Variants in TASL observed in about 807,000 individuals in gnomAD.
The protein encoded by TASL is TLR adaptor interacting with endolysosomal SLC15A4.
Under a neutral mutation model 12.9 loss-of-function variants are expected in TASL, and 6 were observed. The ratio of observed to expected loss-of-function variants is 0.46; its 90% confidence interval spans 0.25 to 0.92. The LOEUF (loss-of-function observed/expected upper bound fraction) is 0.92. Among genes scored for constraint, TASL ranks in the 40% least tolerant of loss-of-function variants. The pLI is 0.17. For synonymous variants in TASL, 85 were observed against 79.3 expected (o/e 1.07, Z -0.38); for missense variants, 165 against 212.8 (o/e 0.78, Z 1.40).
At chrX:30,564,546 C>T (rs1469543618) in intron 2 of TASL, among the ~76,000 whole-genome samples, 5 of 111,913 alleles carry the variant, frequency 4.5e-5, no homozygotes, top group Middle Eastern at 4.6e-3. Context: ...AATCTTCAGA[C>T]TTCTCAACAG....
At chrX:30,570,135 CA>C (rs1246847501) in intron 2 of TASL, among the ~76,000 whole-genome samples, 6 of 110,489 alleles carry the variant, frequency 5.4e-5, no homozygotes, top group Non-Finnish European at 1.9e-5. Flanking sequence ...ATCTCATCTA[CA>C]AACGTCTTCC....
chrX:30,571,589 C>G (rs1930626301), intron 2 of TASL, among the ~76,000 whole-genome samples: 1 of 104,418 alleles, frequency 9.6e-6, no homozygotes, highest in African/African-American at 3.6e-5. Context: ...GATCGGGCCA[C>G]TGCCCTTCAG....
intron 2 of TASL, among the ~76,000 whole-genome samples, chrX:30,568,725 C>A (rs778067866): frequency 1.8e-5 from 2 of 110,147 alleles, no homozygotes; most frequent in East Asian, 2.8e-4. Context: ...ATAAGTACTC[C>A]TGATAATCTC....
intron 2 of TASL, among the ~76,000 whole-genome samples, chrX:30,576,219 G>A (rs1381964506): frequency 8.9e-6 from 1 of 111,857 alleles, no homozygotes; most frequent in Non-Finnish European, 1.9e-5. Flanking sequence ...TTGTGTTGAT[G>A]TTATGTTTCC....
At chrX:30,573,681 G>A (rs1930663072) in intron 2 of TASL, among the ~76,000 whole-genome samples, 1 of 111,257 alleles carries the variant, frequency 9.0e-6, no homozygotes, top group Admixed American at 9.5e-5. Context: ...ACTTTGGGAG[G>A]CTGAGGTGGG....
Position 30,560,245 on chromosome X carries a change from A to C in TASL, c.111T>G (p.Ser37=). The part of the protein sequence containing the change: ...VAGEKEEETN[S]VATLSYSSVD... ...CAGAGGAATAGGAAAGGGTAGCAACAGAATTTGTCTCCTCTTCCTTTTCCC... is the reference window on the plus strand; with the variant it reads ...CAGAGGAATAGGAAAGGGTAGCAACCGAATTTGTCTCCTCTTCCTTTTCCC... Residue 37 remains serine, a synonymous_variant, in exon 3 of 3, where the codon TCT becomes TCG. Coordinates refer to ENST00000378962, the MANE Select transcript of TASL (RefSeq NM_025159.3). 2.5e-6 allele frequency: 3 copies of C among 1,210,915 alleles called. No homozygotes were observed. Among genetic ancestry groups the C allele is most frequent in the Non-Finnish European group, 3.4e-6 (3 of 894,712 alleles).
chrX:30,573,655 T>C (rs1239357211), intron 2 of TASL, among the ~76,000 whole-genome samples: 3 of 111,817 alleles, frequency 2.7e-5, no homozygotes, highest in African/African-American at 9.8e-5. Flanking sequence ...TGGTGGCTCA[T>C]GCCTGTAATC....
At chrX:30,574,471 A>G (rs756720907) in intron 2 of TASL, among the ~76,000 whole-genome samples, 12 of 111,777 alleles carry the variant, frequency 1.1e-4, no homozygotes, top group Non-Finnish European at 2.3e-4. Context: ...GTTTTGGATG[A>G]TGAGGCAAAA....
intron 2 of TASL, among the ~76,000 whole-genome samples, chrX:30,575,085 TA>T (rs1458190515): frequency 1.8e-5 from 2 of 111,979 alleles, no homozygotes; most frequent in East Asian, 5.6e-4. Flanking sequence ...GGTCATGTGT[TA>T]TTTTTTAATG....
Position 30,559,225 on chromosome X carries a change from C to T in TASL, c.*225G>A, listed in dbSNP as rs1190469052. 2 of 341,548 alleles carry T rather than the reference C, an allele frequency of 5.9e-6. No homozygotes were observed. The highest frequency in any genetic ancestry group is 1.0e-5 in the Non-Finnish European group (2 of 198,305). 28.1% of individuals were successfully genotyped at this position (341,548 alleles called of 1,213,427 possible). A position where few individuals can be genotyped will look rare whatever the true frequency, so the allele number is the denominator to read the frequency against. On this transcript the variant is annotated 3_prime_UTR_variant, in exon 3 of 3. Transcript: ENST00000378962. ...TTTTTATTTTTGCTTCCTTGCTGTACACACCTCTCTTTGAAATCATTCCTT... is the reference window on the plus strand; with the variant it reads ...TTTTTATTTTTGCTTCCTTGCTGTATACACCTCTCTTTGAAATCATTCCTT...
At chrX:30,568,200 T>A (rs1015447694) in intron 2 of TASL, among the ~76,000 whole-genome samples, 2 of 110,211 alleles carry the variant, frequency 1.8e-5, no homozygotes, top group Non-Finnish European at 3.8e-5. Context: ...ATCGTGCCAC[T>A]GCACTCCAGC....
rs374413778 is a variant in TASL, at chrX:30,559,623, T to C, written c.733A>G (p.Ile245Val). 9.9e-6 allele frequency: 12 copies of C among 1,208,710 alleles called. No individual in the cohort carries two copies. The highest frequency in any genetic ancestry group is 1.2e-5 in the Non-Finnish European group (11 of 894,348). Residue 245 changes from isoleucine (I) to valine (V), a missense_variant, in exon 3 of 3, where the codon ATC becomes GTC. By Grantham distance (29) the Ile-to-Val change is conservative. Transcript: ENST00000378962. ...SPTQILASELIMTSVDQISLQ... is the reference protein window; with the variant it reads ...SPTQILASELVMTSVDQISLQ... ...CTGATTTGGTCTACACTTGTCATGA[T>C]GAGTTCAGACGCCAGAATCTGGGTA... is the stretch of plus-strand genomic sequence containing the variant.
intron 2 of TASL, among the ~76,000 whole-genome samples, chrX:30,568,922 GA>G (rs1930543978): frequency 9.6e-6 from 1 of 103,999 alleles, no homozygotes. Context: ...TCTGATGACG[GA>G]AAAACAGAAA....
chrX:30,569,583 G>T (rs985256622), intron 2 of TASL, among the ~76,000 whole-genome samples: 1 of 111,740 alleles, frequency 8.9e-6, no homozygotes, highest in African/African-American at 3.3e-5. Context: ...TATATTGGGG[G>T]CTTGAGGAGC....
intron 2 of TASL, among the ~76,000 whole-genome samples, chrX:30,576,024 G>T (rs1405400213): frequency 9.0e-6 from 1 of 111,362 alleles, no homozygotes; most frequent in Non-Finnish European, 1.9e-5. Flanking sequence ...TGTTATAATT[G>T]TTAATCATTG....
At chrX:30,572,481 T>C (rs1930642746) in intron 2 of TASL, among the ~76,000 whole-genome samples, 1 of 112,345 alleles carries the variant, frequency 8.9e-6, no homozygotes, top group African/African-American at 3.2e-5. Flanking sequence ...GTGGTGAGAA[T>C]ACTTATATTC....
intron 2 of TASL, among the ~76,000 whole-genome samples, chrX:30,564,654 A>G (rs1601837320): frequency 8.9e-6 from 1 of 112,418 alleles, no homozygotes; most frequent in Non-Finnish European, 1.9e-5. Flanking sequence ...TCAATTAAGT[A>G]TGATGATAGA....
At chrX:30,561,899 T>C (rs2147083000) in intron 2 of TASL, among the ~76,000 whole-genome samples, 1 of 108,466 alleles carries the variant, frequency 9.2e-6, no homozygotes, top group Non-Finnish European at 1.9e-5. Flanking sequence ...TTAAAATCTA[T>C]GTGAAGTTCT....
chrX:30,565,233 G>A (rs2147084054), intron 2 of TASL, among the ~76,000 whole-genome samples: 1 of 111,791 alleles, frequency 8.9e-6, no homozygotes, highest in South Asian at 3.7e-4. Context: ...TGGAAGGGCT[G>A]AAGACTGAGG....
Sources: gnomAD v4.1 joint callset for allele counts (sites outside exome capture counted in the v4.1 genomes callset) on GRCh38, gnomAD v4.1.1 for gene constraint, MANE v1.5 for transcripts, NCBI Gene and HGNC (gene_info 2026-07-23, HGNC 2026-07-21) for gene names.